HHAT: variants seen among roughly 807,000 people sequenced by gnomAD.
HHAT encodes the protein hedgehog acyltransferase.
HHAT carries 47 observed loss-of-function variants against 70.8 expected under a neutral mutation model. The ratio of observed to expected loss-of-function variants is 0.66; its 90% CI spans 0.53 to 0.85. HHAT has a LOEUF of 0.85. HHAT is among the 40% of genes least tolerant of loss of function. The probability of loss-of-function intolerance (pLI) is 0.00; values close to 1 mark genes in which losing one functional copy is unlikely to be tolerated. For synonymous variants in HHAT, 228 were observed against 247.6 expected (o/e 0.92, Z 0.74); for missense variants, 609 against 604.8 (o/e 1.01, Z -0.07).
At chr1:210,543,150 G>C (rs1372418900) in intron 9 of HHAT, among the ~76,000 whole-genome samples, 3 of 152,116 alleles carry the variant, frequency 2.0e-5, no homozygotes, top group Non-Finnish European at 4.4e-5. Flanking sequence ...GGAGCTGATG[G>C]AATAGCCTTT....
chr1:210,533,897 C>T (rs946925988), intron 9 of HHAT, among the ~76,000 whole-genome samples: 13 of 152,106 alleles, frequency 8.5e-5, no homozygotes, highest in Admixed American at 2.6e-4. Context: ...AAAAAAGGCC[C>T]GGCTTGAATG....
chr1:210,366,524 A>C (rs893341962), intron 3 of HHAT, among the ~76,000 whole-genome samples: 1 of 152,136 alleles, frequency 6.6e-6, no homozygotes, highest in African/African-American at 2.4e-5. Flanking sequence ...ACTGAGACAC[A>C]AGAATTGCTT....
Position 210,404,632 on chromosome 1 carries a change from G to GTCTT in HHAT, c.638_641dup (p.Leu214PhefsTer23). The stretch of plus-strand genomic sequence containing the variant: ...GCTGGCCTATGTCTTTTATTATCCA[G>GTCTT]TCTTACACAATGGGCCCATCCTCAG... On this transcript the variant is annotated frameshift_variant, in exon 6 of 12. Transcript: ENST00000261458. LOFTEE classifies it high-confidence loss of function. 1.2e-6 allele frequency: 2 copies of GTCTT among 1,614,038 alleles called. No individual in the cohort carries two copies. The highest frequency in any genetic ancestry group is 8.5e-7 in the Non-Finnish European group (1 of 1,180,038).
Position 210,509,650 on chromosome 1 carries a change from C to CTG in HHAT, c.1008-3491_1008-3490dup, listed in dbSNP as rs372058560. On this transcript the variant is annotated intron_variant, in intron 8 of 11. Transcript: ENST00000261458. ...ATGAGTGCCTGGCACATGCTAAGCACTGTGTGTGTGTGTTGGCTTTTACTA... is the reference window on the plus strand; with the variant it reads ...ATGAGTGCCTGGCACATGCTAAGCACTGTGTGTGTGTGTGTTGGCTTTTACTA... Among the ~76,000 whole-genome samples the CTG allele has an allele frequency of 2.5e-4, 38 of 152,032 alleles. 1 individual carries two copies. Among genetic ancestry groups the CTG allele is most frequent in the Non-Finnish European group, 5.1e-4 (35 of 68,008 alleles).
At chr1:210,545,522 C>T (rs754994680) in intron 9 of HHAT, among the ~76,000 whole-genome samples, 4 of 151,340 alleles carry the variant, frequency 2.6e-5, no homozygotes, top group African/African-American at 9.7e-5. Context: ...CTGCAACCTC[C>T]ACCTCCTGGG....
chr1:210,383,288 C>T (rs112310572), intron 3 of HHAT, among the ~76,000 whole-genome samples: 24,827 of 152,072 alleles, frequency 0.16, 2,436 homozygotes, highest in Admixed American at 0.26. Context: ...TGCAGTGAGC[C>T]GAGGTTGTGC....
intron 4 of HHAT, among the ~76,000 whole-genome samples, chr1:210,398,996 T>C (rs1572155092): frequency 6.6e-6 from 1 of 152,178 alleles, no homozygotes; most frequent in South Asian, 2.1e-4. Context: ...GAATGGTAGG[T>C]AGGCAATATT....
At chr1:210,524,737 T>C (rs780460024) in intron 9 of HHAT, among the ~76,000 whole-genome samples, 4 of 152,162 alleles carry the variant, frequency 2.6e-5, no homozygotes, top group Non-Finnish European at 5.9e-5. Flanking sequence ...ACCTCAACCA[T>C]GACTGTGCTT....
chr1:210,334,197 T>TTTTTTTTTTTTTTTTG (rs2085271404), intron 1 of HHAT, among the ~76,000 whole-genome samples: 2 of 146,968 alleles, frequency 1.4e-5, no homozygotes, highest in African/African-American at 2.5e-5. Flanking sequence ...TTTTTTTTTT[T>TTTTTTTTTTTTTTTTG]TGAGAAAGGG....
chr1:210,444,579 G>A (rs1161755568), intron 7 of HHAT, among the ~76,000 whole-genome samples: 2 of 151,428 alleles, frequency 1.3e-5, no homozygotes, highest in African/African-American at 4.9e-5. Flanking sequence ...TCTTGGGAGA[G>A]TGTATGTGTC....
intron 8 of HHAT, among the ~76,000 whole-genome samples, chr1:210,476,181 G>A (rs1445069029): frequency 3.9e-5 from 6 of 152,210 alleles, no homozygotes; most frequent in South Asian, 4.1e-4. Context: ...GATTGCAGAC[G>A]ATTACAGCTA....
chr1:210,568,209 C>A (rs902409876), intron 9 of HHAT, among the ~76,000 whole-genome samples: 1 of 152,250 alleles, frequency 6.6e-6, no homozygotes, highest in African/African-American at 2.4e-5. Flanking sequence ...TGATGAACTT[C>A]CAGATAGCTA....
chr1:210,542,185 C>T (rs563270959), intron 9 of HHAT, among the ~76,000 whole-genome samples: 102 of 152,254 alleles, frequency 6.7e-4, no homozygotes, highest in South Asian at 1.5e-3. Flanking sequence ...CGACAACCTA[C>T]GTATCCTTAT....
intron 3 of HHAT, among the ~76,000 whole-genome samples, chr1:210,372,532 G>A (rs1401006887): frequency 6.6e-6 from 1 of 152,164 alleles, no homozygotes; most frequent in Non-Finnish European, 1.5e-5. Flanking sequence ...ACATTCATTA[G>A]GTAGGGAAGT....
intron 10 of HHAT, among the ~76,000 whole-genome samples, chr1:210,593,875 T>C (rs897276255): frequency 6.6e-6 from 1 of 152,216 alleles, no homozygotes; most frequent in South Asian, 2.1e-4. Flanking sequence ...ACAACTGTTA[T>C]ATCTTCTTGC....
intron 1 of HHAT, among the ~76,000 whole-genome samples, chr1:210,335,788 C>T (rs1406659104): frequency 6.6e-6 from 1 of 152,168 alleles, no homozygotes; most frequent in African/African-American, 2.4e-5. Flanking sequence ...TAACAACATA[C>T]ACCTAAATGT....
chr1:210,641,079 G>A (rs373938084), intron 11 of HHAT, among the ~76,000 whole-genome samples: 7 of 152,162 alleles, frequency 4.6e-5, no homozygotes, highest in Non-Finnish European at 1.0e-4. Context: ...TTTAGGGTAC[G>A]AATTATGAGC....
At chr1:210,336,287 ATTTTTTTTTT>A (rs541795412) in intron 1 of HHAT, among the ~76,000 whole-genome samples, 1 of 84,626 alleles carries the variant, frequency 1.2e-5, no homozygotes, top group Non-Finnish European at 2.4e-5. Context: ...TGCCTGGCTA[ATTTTTTTTTT>A]TTTTTTTTTT....
intron 9 of HHAT, among the ~76,000 whole-genome samples, chr1:210,513,678 T>C (rs2148585252): frequency 6.6e-6 from 1 of 152,352 alleles, no homozygotes; most frequent in Middle Eastern, 3.4e-3. Flanking sequence ...TGGGACATAT[T>C]AATTTCAAAT....
Sources: gnomAD v4.1 joint callset for allele counts (sites outside exome capture counted in the v4.1 genomes callset) on GRCh38, gnomAD v4.1.1 for gene constraint, MANE v1.5 for transcripts, NCBI Gene and HGNC (gene_info 2026-07-23, HGNC 2026-07-21) for gene names.